The following DGCR2 variants were observed in gnomAD, a reference collection of about 807,000 sequenced individuals.
DGCR2 encodes DiGeorge syndrome critical region gene 2, also known as integral membrane protein DGCR2/IDD.
Under a neutral mutation model 51.6 loss-of-function variants are expected in DGCR2, and 24 were observed. The ratio of observed to expected loss-of-function variants is 0.47; its 90% confidence interval spans 0.34 to 0.65. The LOEUF (loss-of-function observed/expected upper bound fraction) is 0.65. Among genes scored for constraint, DGCR2 ranks in the 30% least tolerant of loss-of-function variants. The pLI is 0.01. For missense variants in DGCR2, 765 were observed against 772.1 expected (o/e 0.99, Z 0.11); for synonymous variants, 340 against 315.4 (o/e 1.08, Z -0.82).
chr22:19,115,031 A>C (rs2083358462), intron 1 of DGCR2, among the ~76,000 whole-genome samples: 1 of 152,198 alleles, frequency 6.6e-6, no homozygotes, highest in Non-Finnish European at 1.5e-5. Flanking sequence ...GGCACTAAGA[A>C]CAATGACCAG....
At chr22:19,097,634 C>T (rs1299523183) in intron 1 of DGCR2, among the ~76,000 whole-genome samples, 1 of 152,228 alleles carries the variant, frequency 6.6e-6, no homozygotes, top group African/African-American at 2.4e-5. Flanking sequence ...GCCGACCACA[C>T]TTAGTGTCCA....
Position 19,089,422 on chromosome 22 carries a change from G to C in DGCR2, c.148C>G (p.Gln50Glu), listed in dbSNP as rs369642442. 15 of 1,610,296 alleles carry C rather than the reference G, an allele frequency of 9.3e-6. No individual in the cohort carries two copies. The highest frequency in any genetic ancestry group is 1.3e-5 in the Non-Finnish European group (15 of 1,178,266). Residue 50 changes from glutamine (Q) to glutamate (E), a missense_variant, in exon 2 of 10, where the codon CAG becomes GAG. This residue lies in a region of DGCR2 where 370 missense variants were observed against 325.5 expected (regional missense o/e 1.14). Transcript: ENST00000263196. ...GTIQCIPLPW[Q>E]CDGWATCEDE... is the part of the protein sequence containing the mutation. ...TCGCAAGTCGCCCAGCCGTCACACT[G>C]CCAGGGGAGGGGGATGCACTGGATG...
intron 2 of DGCR2, among the ~76,000 whole-genome samples, chr22:19,084,434 C>A (rs2082983533): frequency 6.6e-6 from 1 of 150,594 alleles, no homozygotes; most frequent in Non-Finnish European, 1.5e-5. Flanking sequence ...TGAGGAGCCC[C>A]TCCGCCCGGC....
At chr22:19,114,839 C>G (rs2146058140) in intron 1 of DGCR2, among the ~76,000 whole-genome samples, 1 of 152,294 alleles carries the variant, frequency 6.6e-6, no homozygotes, top group South Asian at 2.1e-4. Context: ...CTGGGGGACC[C>G]TTAGTCCACC....
intron 1 of DGCR2, among the ~76,000 whole-genome samples, chr22:19,094,784 A>C (rs2083120119): frequency 1.3e-5 from 2 of 152,378 alleles, no homozygotes; most frequent in African/African-American, 4.8e-5. Flanking sequence ...ATACAATGGA[A>C]TACTACTCAG....
At chr22:19,042,728 G>T in intron 7 of DGCR2, among the ~76,000 whole-genome samples, 1 of 152,196 alleles carries the variant, frequency 6.6e-6, no homozygotes. Context: ...GACAGTATAA[G>T]GTACACTTGG....
intron 1 of DGCR2, among the ~76,000 whole-genome samples, chr22:19,108,312 T>C (rs1187947634): frequency 6.6e-6 from 1 of 152,154 alleles, no homozygotes; most frequent in Non-Finnish European, 1.5e-5. Context: ...AGCTCTCACT[T>C]GTAATCCCAA....
intron 2 of DGCR2, among the ~76,000 whole-genome samples, chr22:19,079,533 A>T (rs2082913688): frequency 1.3e-5 from 2 of 152,214 alleles, no homozygotes; most frequent in Non-Finnish European, 2.9e-5. Flanking sequence ...CCATTTTACC[A>T]ATGTCAGAAT....
intron 5 of DGCR2, chr22:19,061,817 G>A (rs954740974): frequency 2.0e-5 from 3 of 152,128 alleles, no homozygotes; most frequent in Admixed American, 6.5e-5. Context: ...CCCCTTGCAC[G>A]TTGAGCCACA....
intron 2 of DGCR2, among the ~76,000 whole-genome samples, chr22:19,081,216 C>T (rs751852759): frequency 2.0e-5 from 3 of 152,158 alleles, no homozygotes; most frequent in East Asian, 1.9e-4. Context: ...TAGTTGTGAG[C>T]GACCTCCCCA....
At chr22:19,052,068 C>T (rs755306040) in intron 6 of DGCR2, among the ~76,000 whole-genome samples, 4 of 152,158 alleles carry the variant, frequency 2.6e-5, no homozygotes, top group Non-Finnish European at 5.9e-5. Context: ...ACTAAACCTG[C>T]AACTACGATA....
In DGCR2 at chr22:19,062,811, TGC is replaced by T. The variant is rs2082694421; in HGVS notation, c.625+389_625+390del. On this transcript the variant is annotated intron_variant, in intron 5 of 9. Transcript: ENST00000263196. The stretch of plus-strand genomic sequence containing the variant: ...CTCTCTCTCTCTCTCTCTCTCTATC[TGC>T]CTGATAGTTTCCTTCAGGTCTGGAT... Among the ~76,000 whole-genome samples the T allele has an allele frequency of 6.8e-5, 10 of 148,090 alleles. 1 individual carries two copies. Among genetic ancestry groups the T allele is most frequent in the South Asian group, 2.1e-4 (1 of 4,702 alleles).
Position 19,041,287 on chromosome 22 carries a change from G to C in DGCR2, c.1167C>G (p.His389Gln), listed in dbSNP as rs777091209. The change falls in exon 9 of 10, where the codon CAC (histidine) becomes CAG (glutamine). Residue 389 changes from histidine (H) to glutamine (Q), a missense_variant. Physicochemically the swap from His to Gln is conservative, Grantham distance 24. Around this residue, in one of 3 missense-constraint regions of DGCR2, gnomAD observed 190 missense variants for 265.2 expected, o/e 0.72. Coordinates refer to ENST00000263196, the MANE Select transcript of DGCR2 (RefSeq NM_005137.3). ...IESLIGANLH[H>Q]FNLGRRIPGF... Reference sequence around the variant, plus strand: ...CAGGGATCCTGCGGCCGAGGTTGAAGTGGTGCACTGGGCCATCAAAAGTGT... The same window carrying C: ...CAGGGATCCTGCGGCCGAGGTTGAACTGGTGCACTGGGCCATCAAAAGTGT... 11 of 1,613,930 alleles carry C rather than the reference G, an allele frequency of 6.8e-6. No individual in the cohort carries two copies. Among genetic ancestry groups the C allele is most frequent in the Non-Finnish European group, 9.3e-6 (11 of 1,179,958 alleles).
intron 2 of DGCR2, among the ~76,000 whole-genome samples, chr22:19,082,060 T>C (rs930780653): frequency 6.7e-6 from 1 of 149,384 alleles, no homozygotes; most frequent in Non-Finnish European, 1.5e-5. Flanking sequence ...TTGGGGTTTT[T>C]TTTGTTTTTT....
chr22:19,097,852 G>A (rs1206256578), intron 1 of DGCR2, among the ~76,000 whole-genome samples: 1 of 152,144 alleles, frequency 6.6e-6, no homozygotes, highest in African/African-American at 2.4e-5. Flanking sequence ...GACTGAGACA[G>A]TCACTTGAAG....
chr22:19,107,610 C>A (rs2083272405), intron 1 of DGCR2, among the ~76,000 whole-genome samples: 1 of 152,008 alleles, frequency 6.6e-6, no homozygotes, highest in African/African-American at 2.4e-5. Flanking sequence ...AGGGAAGGTC[C>A]TAAGAAAAAG....
chr22:19,110,857 T>C (rs1360675421), intron 1 of DGCR2, among the ~76,000 whole-genome samples: 5 of 152,222 alleles, frequency 3.3e-5, no homozygotes, highest in South Asian at 2.1e-4. Context: ...TGAGTAAACC[T>C]ACTTCCTATA....
At chr22:19,106,255 G>C (rs762625345) in intron 1 of DGCR2, among the ~76,000 whole-genome samples, 1 of 152,164 alleles carries the variant, frequency 6.6e-6, no homozygotes, top group South Asian at 2.1e-4. Flanking sequence ...CTCCAACAAT[G>C]CTCAGCTGCT....
rs530048451 is a variant in DGCR2, at chr22:19,102,421, G to C, written c.80-12931C>G. On this transcript the variant is annotated intron_variant, in intron 1 of 9. Transcript: ENST00000263196. ...GTACACTTAAAAATGGTTAAAATGG[G>C]GCCGGGCGTGGTGGCTCACGCCTGT... Among the ~76,000 whole-genome samples, 41 of 152,118 alleles carry C rather than the reference G, an allele frequency of 2.7e-4. No individual in the cohort carries two copies. In the East Asian group the frequency reaches 7.6e-3, roughly 28 times the overall value.
Sources: gnomAD v4.1 joint callset for allele counts (sites outside exome capture counted in the v4.1 genomes callset) on GRCh38, gnomAD v4.1.1 for gene constraint, gnomAD v4.1.1 regional missense constraint, MANE v1.5 for transcripts, NCBI Gene and HGNC (gene_info 2026-07-23, HGNC 2026-07-21) for gene names.